The following SLC24A2 variants were observed in gnomAD, a reference collection of about 807,000 sequenced individuals.
The protein encoded by SLC24A2 is solute carrier family 24 member 2.
A neutral mutation model predicts 62.0 loss-of-function variants in SLC24A2; 36 were observed. The ratio of observed to expected loss-of-function variants is 0.58; its 90% CI spans 0.44 to 0.77. The LOEUF (loss-of-function observed/expected upper bound fraction) is 0.77. Among genes scored for constraint, SLC24A2 ranks in the 30% least tolerant of loss-of-function variants. SLC24A2 has a pLI of 0.00. For missense variants in SLC24A2, 846 were observed against 817.9 expected (o/e 1.03, Z -0.42); for synonymous variants, 358 against 294.0 (o/e 1.22, Z -2.23).
chr9:20,275,421 T>G, the SLC24A2 span, among the ~76,000 whole-genome samples: 1 of 152,212 alleles, frequency 6.6e-6, no homozygotes. Flanking sequence ...ATAGATACAG[T>G]GGCATCTGCT....
chr9:19,567,680 TTAAAA>T, intron 7 of SLC24A2, among the ~76,000 whole-genome samples: 1 of 121,178 alleles, frequency 8.3e-6, no homozygotes, highest in Middle Eastern at 4.2e-3. Context: ...TAGTAAATTT[TTAAAA>T]TAACCAAAAA....
intron 2 of SLC24A2, among the ~76,000 whole-genome samples, chr9:19,747,421 TTATACA>T (rs1429898388): frequency 1.3e-5 from 2 of 152,198 alleles, no homozygotes; most frequent in African/African-American, 4.8e-5. Flanking sequence ...ATGCAAGTCC[TTATACA>T]TATACTTAAT....
the SLC24A2 span, among the ~76,000 whole-genome samples, chr9:20,092,482 G>C: frequency 1.3e-5 from 2 of 152,122 alleles, no homozygotes; most frequent in African/African-American, 4.8e-5. Flanking sequence ...GCTATCATTA[G>C]TGTTAGTGTA....
chr9:19,858,610 C>A, the SLC24A2 span, among the ~76,000 whole-genome samples: 1 of 152,004 alleles, frequency 6.6e-6, no homozygotes, highest in Admixed American at 6.6e-5. Context: ...TGATAAAGGT[C>A]TAATATCTAG....
At chr9:19,692,259 T>C (rs187835286) in intron 2 of SLC24A2, among the ~76,000 whole-genome samples, 3 of 152,318 alleles carry the variant, frequency 2.0e-5, no homozygotes, top group Admixed American at 1.3e-4. Context: ...TGAACTATGT[T>C]GTCAAGTCAC....
At chr9:20,123,540 A>G in the SLC24A2 span, among the ~76,000 whole-genome samples, 1 of 152,110 alleles carries the variant, frequency 6.6e-6, no homozygotes, top group African/African-American at 2.4e-5. Flanking sequence ...TTCAAATCTT[A>G]TATTTGTACT....
At chr9:19,710,365 C>T (rs1259673681) in intron 2 of SLC24A2, among the ~76,000 whole-genome samples, 3 of 152,050 alleles carry the variant, frequency 2.0e-5, no homozygotes, top group African/African-American at 4.8e-5. Context: ...AAGGAGAGGG[C>T]CCGGTATCAC....
chr9:19,967,853 C>T, the SLC24A2 span: 5 of 152,266 alleles, frequency 3.3e-5, no homozygotes, highest in African/African-American at 1.2e-4. Flanking sequence ...AAAATACAGG[C>T]ATGGAAATTT....
At chr9:19,998,036 T>G in the SLC24A2 span, among the ~76,000 whole-genome samples, 1 of 152,138 alleles carries the variant, frequency 6.6e-6, no homozygotes, top group Admixed American at 6.6e-5. Flanking sequence ...CATACAATAA[T>G]AAAAATTATA....
the SLC24A2 span, among the ~76,000 whole-genome samples, chr9:19,996,885 A>C: frequency 6.6e-6 from 1 of 152,160 alleles, no homozygotes; most frequent in Admixed American, 6.5e-5. Context: ...GAGCCATTAG[A>C]AGGTATTAAA....
At chr9:20,231,619 T>A in the SLC24A2 span, among the ~76,000 whole-genome samples, 4 of 152,230 alleles carry the variant, frequency 2.6e-5, no homozygotes, top group Non-Finnish European at 5.9e-5. Flanking sequence ...GCTTATCAGC[T>A]TGAGGAGATT....
At chr9:19,601,382 G>C (rs1444751196) in intron 4 of SLC24A2, among the ~76,000 whole-genome samples, 1 of 152,206 alleles carries the variant, frequency 6.6e-6, no homozygotes, top group African/African-American at 2.4e-5. Flanking sequence ...ACCCCAGCCA[G>C]CAGCAGCAAC....
the SLC24A2 span, among the ~76,000 whole-genome samples, chr9:20,137,302 T>C: frequency 6.6e-6 from 1 of 152,286 alleles, no homozygotes; most frequent in South Asian, 2.1e-4. Context: ...TAATATATGA[T>C]GTGTCTCCAC....
chr9:20,249,346 G>C, the SLC24A2 span, among the ~76,000 whole-genome samples: 1 of 152,092 alleles, frequency 6.6e-6, no homozygotes, highest in Non-Finnish European at 1.5e-5. Context: ...CTGAGCCTCA[G>C]TTTTCTCATC....
chr9:19,887,925 T>G, the SLC24A2 span, among the ~76,000 whole-genome samples: 1 of 152,198 alleles, frequency 6.6e-6, no homozygotes, highest in Non-Finnish European at 1.5e-5. Flanking sequence ...CATTGCATGT[T>G]CTCACTCATA....
rs868428676 is a variant in SLC24A2 at position 19,636,326 on chromosome 9, T to C, written c.931-14027A>G. Among the ~76,000 whole-genome samples, 246 of 26,868 alleles carry C rather than the reference T, an allele frequency of 9.2e-3. 17 individuals carry two copies. Among genetic ancestry groups the C allele is most frequent in the Middle Eastern group, 0.016 (1 of 64 alleles). The allele number at this position is 26,868 out of a possible 152,430, so 17.6% of individuals were successfully genotyped here. ...TTTCTTTTCTTTTCTTTTCTTTCTT[T>C]CTTTCTTTCTTTCTTTCTTTCTTTC... On this transcript the variant is annotated intron_variant, in intron 2 of 10. Transcript: ENST00000341998.
At chr9:19,858,603 T>G in the SLC24A2 span, among the ~76,000 whole-genome samples, 1 of 152,110 alleles carries the variant, frequency 6.6e-6, no homozygotes, top group Non-Finnish European at 1.5e-5. Flanking sequence ...ATGCATCTGA[T>G]AAAGGTCTAA....
chr9:20,094,862 A>C, the SLC24A2 span, among the ~76,000 whole-genome samples: 1 of 152,154 alleles, frequency 6.6e-6, no homozygotes, highest in East Asian at 1.9e-4. Flanking sequence ...TTTTTCTGCA[A>C]CTAAGTATGA....
chr9:19,993,418 G>T, the SLC24A2 span, among the ~76,000 whole-genome samples: 2 of 152,082 alleles, frequency 1.3e-5, no homozygotes, highest in African/African-American at 4.8e-5. Context: ...ACAAGAAAAT[G>T]GGCTCATGGC....
Sources: allele counts gnomAD v4.1 joint callset (sites outside exome capture counted in the v4.1 genomes callset), GRCh38; gene constraint gnomAD v4.1.1; transcripts MANE v1.5; gene names NCBI Gene and HGNC (gene_info 2026-07-23, HGNC 2026-07-21).